Variants in SFMBT1 observed in about 807,000 individuals in gnomAD.
SFMBT1 encodes scm-like with four MBT domains protein 1.
A neutral mutation model predicts 108.7 loss-of-function variants in SFMBT1; 32 were observed. The ratio of observed to expected loss-of-function variants is 0.29; its 90% CI spans 0.22 to 0.40. SFMBT1 has a LOEUF of 0.40. Ranked by LOEUF, SFMBT1 falls within the 10% of genes least tolerant of loss-of-function variation. The pLI, the probability that SFMBT1 is intolerant of heterozygous loss-of-function variation, is 1.00. For synonymous variants in SFMBT1, 348 were observed against 369.5 expected, an observed-to-expected ratio of 0.94 and a Z score of 0.67; for missense variants, 816 against 1,059.6, an observed-to-expected ratio of 0.77 and a Z score of 3.19.
intron 1 of SFMBT1, among the ~76,000 whole-genome samples, chr3:53,022,701 T>C (rs1304566759): frequency 6.6e-6 from 1 of 152,138 alleles, no homozygotes; most frequent in Non-Finnish European, 1.5e-5. Context: ...ATGAGGTACC[T>C]AAAGTAGTAA....
At chr3:52,917,206 T>C (rs561587200) in intron 13 of SFMBT1, among the ~76,000 whole-genome samples, 55 of 152,268 alleles carry the variant, frequency 3.6e-4, no homozygotes, top group African/African-American at 1.2e-3. Flanking sequence ...TTACAAAGGT[T>C]TAGGTAGTTA....
intron 3 of SFMBT1, among the ~76,000 whole-genome samples, chr3:52,945,141 A>AAAAAAAAAAAAAAAAAAAAAAAAC: frequency 6.8e-6 from 1 of 146,786 alleles, no homozygotes; most frequent in Admixed American, 6.8e-5. Flanking sequence ...CCAATTAAAA[A>AAAAAAAAAAAAAAAAAAAAAAAAC]AAAAAAAAAA....
chr3:52,928,641 T>TACACAC, intron 8 of SFMBT1: 1 of 52,992 alleles, frequency 1.9e-5, no homozygotes, highest in South Asian at 1.3e-3. Flanking sequence ...TATATACATA[T>TACACAC]ATATATATAT....
chr3:53,013,314 C>T (rs1259279883), intron 1 of SFMBT1, among the ~76,000 whole-genome samples: 1 of 151,616 alleles, frequency 6.6e-6, no homozygotes, highest in Non-Finnish European at 1.5e-5. Context: ...AAGAGTAAAA[C>T]TCTTCTAGGT....
chr3:52,996,388 T>C (rs1194800616), intron 1 of SFMBT1, among the ~76,000 whole-genome samples: 1 of 148,636 alleles, frequency 6.7e-6, no homozygotes, highest in Non-Finnish European at 1.5e-5. Context: ...AATTTTTGTA[T>C]TTTTTTAGTA....
chr3:52,927,493 G>C (rs1702691763), intron 9 of SFMBT1, among the ~76,000 whole-genome samples: 1 of 152,062 alleles, frequency 6.6e-6, no homozygotes, highest in South Asian at 2.1e-4. Flanking sequence ...AACATATATA[G>C]ACTGCCAATC....
chr3:53,017,303 T>C (rs923103914), intron 1 of SFMBT1, among the ~76,000 whole-genome samples: 5 of 152,204 alleles, frequency 3.3e-5, no homozygotes, highest in African/African-American at 1.2e-4. Flanking sequence ...AATATTTTCA[T>C]TTTGAGGATG....
chr3:52,945,136 T>TAAAAAAAAAAAAC (rs1553636663), intron 3 of SFMBT1, among the ~76,000 whole-genome samples: 4 of 48,540 alleles, frequency 8.2e-5, no homozygotes, highest in African/African-American at 2.6e-4. Context: ...ACCTTCCAAT[T>TAAAAAAAAAAAAC]AAAAAAAAAA....
At chr3:53,022,449 CAAAAAAAAA>C (rs34744052) in intron 1 of SFMBT1, among the ~76,000 whole-genome samples, 1 of 40,632 alleles carries the variant, frequency 2.5e-5, no homozygotes, top group Non-Finnish European at 5.8e-5. Flanking sequence ...GGTGCTGTCT[CAAAAAAAAA>C]AAAAAAAAAA....
At chr3:52,945,220 T>C (rs1180347519) in intron 3 of SFMBT1, among the ~76,000 whole-genome samples, 2 of 145,898 alleles carry the variant, frequency 1.4e-5, no homozygotes, top group Non-Finnish European at 3.0e-5. Flanking sequence ...GCCTGGAATA[T>C]CTTGTGATGC....
intron 1 of SFMBT1, chr3:53,043,123 A>C (rs1382456938): frequency 6.6e-6 from 1 of 152,268 alleles, no homozygotes; most frequent in Non-Finnish European, 1.5e-5. Flanking sequence ...TAACAAAATA[A>C]GAATTCACTT....
At chr3:53,016,635 A>AT (rs1216595524) in intron 1 of SFMBT1, among the ~76,000 whole-genome samples, 1 of 151,988 alleles carries the variant, frequency 6.6e-6, no homozygotes, top group Non-Finnish European at 1.5e-5. Flanking sequence ...TTCTCAAGTC[A>AT]TTTTCCTACT....
intron 4 of SFMBT1, among the ~76,000 whole-genome samples, chr3:52,936,897 T>TC (rs1703025370): frequency 6.7e-6 from 1 of 149,080 alleles, no homozygotes; most frequent in African/African-American, 2.5e-5. Context: ...ACATTTCTTT[T>TC]TTTTTTTTTT....
At chr3:52,950,529 C>T (rs1703537613) in intron 3 of SFMBT1, among the ~76,000 whole-genome samples, 1 of 152,118 alleles carries the variant, frequency 6.6e-6, no homozygotes, top group Non-Finnish European at 1.5e-5. Flanking sequence ...GGCTGGAGTG[C>T]AATGGCGCAA....
intron 19 of SFMBT1, among the ~76,000 whole-genome samples, chr3:52,906,764 A>G (rs889421896): frequency 7.2e-5 from 11 of 152,358 alleles, no homozygotes; most frequent in Admixed American, 2.6e-4. Flanking sequence ...AAACATATTA[A>G]AAAGGCAGTT....
chr3:52,984,641 T>A (rs1029635114), intron 1 of SFMBT1, among the ~76,000 whole-genome samples: 2 of 151,708 alleles, frequency 1.3e-5, no homozygotes, highest in African/African-American at 4.8e-5. Flanking sequence ...ATAAATAATC[T>A]TTAAAAATTC....
chr3:52,935,828 T>C (rs1013965099), intron 4 of SFMBT1, among the ~76,000 whole-genome samples: 2 of 152,182 alleles, frequency 1.3e-5, no homozygotes, highest in African/African-American at 4.8e-5. Context: ...AGGTTTCTTC[T>C]CCTTCCTCCC....
rs1433805144 is a variant in SFMBT1 at position 52,907,749 on chromosome 3, A to G, written c.1907-16T>C. 6.3e-7 allele frequency: 1 copy of G among 1,575,618 alleles called. No homozygotes were observed. Among genetic ancestry groups the G allele is most frequent in the South Asian group, 1.2e-5 (1 of 84,762 alleles). The stretch of plus-strand genomic sequence containing the variant: ...TAATAGTGTGCTAAATGTGGATGAC[A>G]AAGAAAAATGAAGTAGCTTCATTAT... On this transcript the variant is annotated splice_polypyrimidine_tract_variant and intron_variant, in intron 17 of 20. Transcript: ENST00000394752.
chr3:52,951,430 T>C (rs1444127856), intron 3 of SFMBT1, among the ~76,000 whole-genome samples: 1 of 151,874 alleles, frequency 6.6e-6, no homozygotes, highest in Non-Finnish European at 1.5e-5. Context: ...TTTTTTTTTT[T>C]TTTGAGATGG....
Sources: allele counts gnomAD v4.1 joint callset (sites outside exome capture counted in the v4.1 genomes callset), GRCh38; gene constraint gnomAD v4.1.1; transcripts MANE v1.5; gene names NCBI Gene and HGNC (gene_info 2026-07-23, HGNC 2026-07-21).